The following KCNT2 variants were observed in gnomAD, a reference collection of about 807,000 sequenced individuals.
The protein encoded by KCNT2 is potassium channel subfamily T member 2.
In KCNT2, 67 loss-of-function variants were observed where a neutral mutation model predicts 153.8. That is an observed-to-expected ratio of 0.44 (90% CI 0.36 to 0.53). The LOEUF is 0.53. Among genes scored for constraint, KCNT2 ranks in the 20% least tolerant of loss-of-function variants. The pLI is 0.00. For synonymous variants in KCNT2, 500 were observed against 458.8 expected (o/e 1.09, Z -1.15); for missense variants, 975 against 1,354.8 (o/e 0.72, Z 4.40).
At chr1:196,285,807 T>C (rs1426292296) in intron 22 of KCNT2, 49 bp from the exon 23 acceptor site, 1 of 1,028,556 alleles carries the variant, frequency 9.7e-7, no homozygotes, top group Non-Finnish European at 1.5e-6. Context: ...CCACATTTTA[T>C]GCATTTCTGC....
At chr1:196,509,328 C>T (rs753872239) in intron 1 of KCNT2, among the ~76,000 whole-genome samples, 10 of 143,808 alleles carry the variant, frequency 7.0e-5, no homozygotes, top group African/African-American at 2.6e-4. Context: ...AAATATGAAA[C>T]AGACGAAGCT....
intron 1 of KCNT2, among the ~76,000 whole-genome samples, chr1:196,552,457 T>C (rs1404877382): frequency 6.6e-6 from 1 of 151,426 alleles, no homozygotes; most frequent in Non-Finnish European, 1.5e-5. Context: ...AATAAAGACC[T>C]TCCAGACAAC....
intron 1 of KCNT2, among the ~76,000 whole-genome samples, chr1:196,533,500 G>C (rs1266734320): frequency 6.6e-6 from 1 of 152,038 alleles, no homozygotes; most frequent in Non-Finnish European, 1.5e-5. Flanking sequence ...AAACCAAAAT[G>C]CATTTGGAAA....
At chr1:196,419,435 T>C (rs1295756491) in intron 12 of KCNT2, among the ~76,000 whole-genome samples, 2 of 149,058 alleles carry the variant, frequency 1.3e-5, no homozygotes, top group African/African-American at 4.9e-5. Flanking sequence ...CATGCGGTGT[T>C]TGGTTTTTTG....
intron 1 of KCNT2, among the ~76,000 whole-genome samples, chr1:196,517,310 C>T (rs1346991484): frequency 2.0e-5 from 3 of 152,188 alleles, no homozygotes; most frequent in Non-Finnish European, 4.4e-5. Flanking sequence ...AATATCCACA[C>T]ACAGAGATGA....
rs1653540953 is a variant in KCNT2 at position 196,227,007 on chromosome 1, A to C, written c.*1217T>G. ...GGGGGAAAATGCAATACAGGTAAAA[A>C]ATGAAAAACTGGATATCATCAATGG... On this transcript the variant is annotated 3_prime_UTR_variant, in exon 28 of 28. Transcript: ENST00000294725. 6.6e-6 allele frequency: 1 copy of C among 152,004 alleles called. No homozygotes were observed. The allele number at this position is 152,004 out of a possible 1,614,324, so 9.4% of individuals were successfully genotyped here. A position where few individuals can be genotyped will look rare whatever the true frequency, so the allele number is the denominator to read the frequency against.
At chr1:196,386,991 T>G (rs1287610267) in intron 13 of KCNT2, among the ~76,000 whole-genome samples, 1 of 152,128 alleles carries the variant, frequency 6.6e-6, no homozygotes, top group African/African-American at 2.4e-5. Flanking sequence ...GTAGTCTATA[T>G]AAACATAACT....
At chr1:196,452,963 G>A (rs938347770) in intron 8 of KCNT2, among the ~76,000 whole-genome samples, 2 of 151,922 alleles carry the variant, frequency 1.3e-5, no homozygotes, top group Admixed American at 1.3e-4. Context: ...CACTCAGAAT[G>A]TTTCAACAAC....
rs1005296209 is a variant in KCNT2, at chr1:196,265,533, T to C, written c.2911-7039A>G. 5.9e-5 allele frequency among the ~76,000 whole-genome samples: 9 copies of C among 152,292 alleles called. No homozygotes were observed. The South Asian group carries it at 1.9e-3, about 32-fold the overall frequency. On this transcript the variant is annotated intron_variant, in intron 25 of 27. Coordinates refer to ENST00000294725, the MANE Select transcript of KCNT2 (RefSeq NM_198503.5). ...ACACTAGGCACAGGGGAATAATTCC[T>C]ACTGTGTGATCACTGGTTGTATGTC...
At chr1:196,434,836 C>T (rs1401535125) in intron 8 of KCNT2, among the ~76,000 whole-genome samples, 2 of 151,524 alleles carry the variant, frequency 1.3e-5, no homozygotes, top group Non-Finnish European at 2.9e-5. Flanking sequence ...TACCCTGAGA[C>T]CACCACACTG....
chr1:196,361,467 T>A (rs978798307), intron 14 of KCNT2, among the ~76,000 whole-genome samples: 1 of 152,016 alleles, frequency 6.6e-6, no homozygotes, highest in Non-Finnish European at 1.5e-5. Flanking sequence ...GTAGGGCAGA[T>A]GTGTGTCCTC....
In KCNT2 at chr1:196,257,617, T is replaced by C. The variant is rs1019305937; in HGVS notation, c.3211+577A>G. 5 of 934,782 alleles carry C rather than the reference T, an allele frequency of 5.3e-6. No homozygotes were observed. The African/African-American group carries it at 7.1e-5, about 13-fold the overall frequency. The allele number at this position is 934,782 out of a possible 1,614,324, so 57.9% of individuals were successfully genotyped here. ...TAAGCTTTGCATTATTTATTTAAGCTGTGTCTATAGTGTCTATATGGCAAT... is the reference window on the plus strand; with the variant it reads ...TAAGCTTTGCATTATTTATTTAAGCCGTGTCTATAGTGTCTATATGGCAAT... On this transcript the variant is annotated intron_variant, in intron 26 of 27. Transcript: ENST00000294725.
At chr1:196,314,302 C>T (rs1662487384) in intron 21 of KCNT2, among the ~76,000 whole-genome samples, 1 of 151,318 alleles carries the variant, frequency 6.6e-6, no homozygotes, top group African/African-American at 2.4e-5. Flanking sequence ...AGCATGGAAT[C>T]AAAAAGCATG....
At chr1:196,385,602 C>CA (rs1486387775) in intron 13 of KCNT2, among the ~76,000 whole-genome samples, 2 of 151,206 alleles carry the variant, frequency 1.3e-5, no homozygotes, top group Non-Finnish European at 3.0e-5. Flanking sequence ...AAAAATTAAA[C>CA]AAAAAATACA....
intron 1 of KCNT2, among the ~76,000 whole-genome samples, chr1:196,520,745 A>G (rs1488840041): frequency 2.6e-5 from 4 of 152,234 alleles, no homozygotes; most frequent in Admixed American, 6.5e-5. Flanking sequence ...GGCTAGCCAT[A>G]TGCAGAAGAT....
intron 9 of KCNT2, 74 bp from the exon 10 acceptor site, chr1:196,428,343 T>C: frequency 4.8e-6 from 5 of 1,038,992 alleles, no homozygotes; most frequent in Non-Finnish European, 7.3e-6. Context: ...ACATCTATTG[T>C]TTATTAGGTA....
chr1:196,317,358 T>A, intron 20 of KCNT2: 1 of 373,716 alleles, frequency 2.7e-6, no homozygotes, highest in South Asian at 2.0e-5. Context: ...GACCTTCAAG[T>A]TTAAATGCCT....
chr1:196,266,085 T>G (rs1408587887), intron 25 of KCNT2, among the ~76,000 whole-genome samples: 3 of 152,114 alleles, frequency 2.0e-5, no homozygotes, highest in African/African-American at 7.2e-5. Context: ...AACAAAAATA[T>G]AAACAGAAGT....
intron 1 of KCNT2, among the ~76,000 whole-genome samples, chr1:196,529,822 T>C (rs1252966109): frequency 6.6e-6 from 1 of 152,092 alleles, no homozygotes; most frequent in African/African-American, 2.4e-5. Flanking sequence ...TCTTTTACAT[T>C]TATTTGGTCT....
Sources: allele counts gnomAD v4.1 joint callset (sites outside exome capture counted in the v4.1 genomes callset), GRCh38; gene constraint gnomAD v4.1.1; transcripts MANE v1.5; gene names NCBI Gene and HGNC (gene_info 2026-07-23, HGNC 2026-07-21).